PMM2: variants seen among roughly 807,000 people sequenced by gnomAD.
PMM2 encodes phosphomannomutase 2, also known as mannose-6-phosphate isomerase.
Under a neutral mutation model 33.2 loss-of-function variants are expected in PMM2, and 35 were observed. The observed-to-expected ratio is 1.06, with a 90% CI of 0.81 to 1.40. The LOEUF (loss-of-function observed/expected upper bound fraction) is 1.40. Among genes scored for constraint, PMM2 ranks in the 40% most tolerant of loss-of-function variants. The pLI, the probability that PMM2 is intolerant of heterozygous loss-of-function variation, is 0.00. For missense variants in PMM2, 386 were observed against 306.0 expected, an observed-to-expected ratio of 1.26 and a Z score of -1.95; for synonymous variants, 153 against 114.7, an observed-to-expected ratio of 1.33 and a Z score of -2.13.
In PMM2 at chr16:8,802,209, G is replaced by C. The variant is rs2304470; in HGVS notation, c.178+299G>C. 213,542 of 462,178 alleles carry C rather than the reference G, an allele frequency of 0.46. 50,670 individuals are homozygous for C. The highest frequency in any genetic ancestry group is 0.59 in the African/African-American group (29,624 of 50,346). The allele number at this position is 462,178 out of a possible 1,614,324, so 28.6% of individuals were successfully genotyped here. Reference sequence around the variant, plus strand: ...GGAATACTTCTTGCTTGTACCCGTTGACAGCCCTTCTAGCCCCAGTCAGAC... The same window carrying C: ...GGAATACTTCTTGCTTGTACCCGTTCACAGCCCTTCTAGCCCCAGTCAGAC... On this transcript the variant is annotated intron_variant, in intron 2 of 7. Coordinates refer to ENST00000268261, the MANE Select transcript of PMM2 (RefSeq NM_000303.3).
chr16:8,815,403 G>T (rs1453326207), intron 7 of PMM2, among the ~76,000 whole-genome samples: 1 of 152,044 alleles, frequency 6.6e-6, no homozygotes, highest in South Asian at 2.1e-4. Context: ...GCTAATTTTT[G>T]TATTTTTAGT....
At chr16:8,845,005 C>T (rs993344894) in intron 7 of PMM2, among the ~76,000 whole-genome samples, 5 of 152,188 alleles carry the variant, frequency 3.3e-5, no homozygotes, top group African/African-American at 7.2e-5. Context: ...GGAGGTCTCC[C>T]GATCTGAGTC....
At chr16:8,825,754 C>CT (rs1282896284) in intron 7 of PMM2, among the ~76,000 whole-genome samples, 18 of 118,120 alleles carry the variant, frequency 1.5e-4, no homozygotes, top group Middle Eastern at 4.6e-3. Context: ...AAATAAAACA[C>CT]TATTTTTTTT....
At chr16:8,819,777 C>T (rs776835394) in intron 7 of PMM2, among the ~76,000 whole-genome samples, 13 of 151,986 alleles carry the variant, frequency 8.6e-5, no homozygotes, top group Non-Finnish European at 1.6e-4. Flanking sequence ...AGCACTTCCT[C>T]AGTGTCAGAC....
In PMM2 at chr16:8,832,228, G is replaced by A. The variant is rs890970638; in HGVS notation, c.640-15496G>A. Reference sequence around the variant, plus strand: ...AAAGAAGCAGACCCTTGGCGGGAGAGAAAGGAAGGCCTGAGGCAGGTTGTG... The same window carrying A: ...AAAGAAGCAGACCCTTGGCGGGAGAAAAAGGAAGGCCTGAGGCAGGTTGTG... On this transcript the variant is annotated intron_variant, in intron 7 of 7. Transcript: ENST00000268261. 1.3e-5 allele frequency: 13 copies of A among 985,290 alleles called. No homozygotes were observed. In the African/African-American group the frequency reaches 2.1e-4, roughly 16 times the overall value. 61.0% of individuals were successfully genotyped at this position (985,290 alleles called of 1,614,324 possible). A position where few individuals can be genotyped will look rare whatever the true frequency, so the allele number is the denominator to read the frequency against.
chr16:8,803,251 C>A (rs1238285729), intron 2 of PMM2, among the ~76,000 whole-genome samples: 1 of 152,184 alleles, frequency 6.6e-6, no homozygotes, highest in Non-Finnish European at 1.5e-5. Context: ...CTCTTTAAAA[C>A]TCTCTCTTCC....
chr16:8,837,079 G>A (rs1024006813), intron 7 of PMM2, among the ~76,000 whole-genome samples: 3 of 151,870 alleles, frequency 2.0e-5, no homozygotes, highest in Non-Finnish European at 4.4e-5. Flanking sequence ...AGGTCAGATG[G>A]GTCTGTAGAA....
intron 2 of PMM2, among the ~76,000 whole-genome samples, chr16:8,804,434 A>G (rs1397472890): frequency 6.6e-6 from 1 of 152,132 alleles, no homozygotes; most frequent in Non-Finnish European, 1.5e-5. Flanking sequence ...CTGCATTTTC[A>G]CACTGCCCTG....
intron 4 of PMM2, chr16:8,806,729 G>T (rs1389467659): frequency 2.6e-6 from 1 of 377,778 alleles, no homozygotes; most frequent in Non-Finnish European, 5.0e-6. Context: ...AACAGTACAA[G>T]AATGATTACG....
chr16:8,841,054 A>G (rs922869476), intron 7 of PMM2, among the ~76,000 whole-genome samples: 2 of 152,092 alleles, frequency 1.3e-5, no homozygotes, highest in Non-Finnish European at 1.5e-5. Flanking sequence ...AACAGGCTCT[A>G]ATTCTGAGAA....
rs550840545 is a variant in PMM2 at position 8,818,154 on chromosome 16, G to A, written c.639+5048G>A. Among the ~76,000 whole-genome samples the A allele has an allele frequency of 2.5e-4, 38 of 152,212 alleles. No individual in the cohort carries two copies. In the South Asian group the frequency reaches 6.2e-3, roughly 25 times the overall value. On this transcript the variant is annotated intron_variant, in intron 7 of 7. Coordinates refer to ENST00000268261, the MANE Select transcript of PMM2 (RefSeq NM_000303.3). ...CCTGACCTCGTGATCCGTCCGCCTC[G>A]GCCTCCCAAAGTGCTGGGATTACAG...
At chr16:8,835,107 C>T (rs562259822) in intron 7 of PMM2, among the ~76,000 whole-genome samples, 190 of 148,282 alleles carry the variant, frequency 1.3e-3, no homozygotes, top group African/African-American at 4.4e-3. Context: ...AAAGCAGCGG[C>T]AGCCGCTGCA....
chr16:8,798,025 G>T (rs151181393), intron 1 of PMM2, 77 bp downstream of exon 1: 1 of 1,433,274 alleles, frequency 7.0e-7, no homozygotes, highest in Non-Finnish European at 9.5e-7. Flanking sequence ...CGACCACCCA[G>T]GGTAGGCGCC....
chr16:8,814,951 T>C (rs1244687204), intron 7 of PMM2, among the ~76,000 whole-genome samples: 3 of 152,224 alleles, frequency 2.0e-5, no homozygotes, highest in African/African-American at 7.2e-5. Flanking sequence ...CTTACATAAC[T>C]GAGACATTAC....
At chr16:8,827,714 G>T (rs1329450254) in intron 7 of PMM2, among the ~76,000 whole-genome samples, 1 of 100,470 alleles carries the variant, frequency 1.0e-5, no homozygotes, top group East Asian at 2.8e-4. Flanking sequence ...CCTTTTAAAT[G>T]TGTGCATATA....
At chr16:8,827,380 A>AT (rs897793655) in intron 7 of PMM2, among the ~76,000 whole-genome samples, 9 of 149,992 alleles carry the variant, frequency 6.0e-5, no homozygotes, top group African/African-American at 2.2e-4. Context: ...CCTTTTTTTT[A>AT]TTTTTTTATT....
intron 1 of PMM2, among the ~76,000 whole-genome samples, chr16:8,799,705 G>A (rs537229211): frequency 1.3e-5 from 2 of 152,176 alleles, no homozygotes; most frequent in South Asian, 2.1e-4. Flanking sequence ...GCACCACCAC[G>A]CCTGGCTAAT....
rs1336923157 is a variant in PMM2 at position 8,848,731 on chromosome 16, T to G, written c.*906T>G. On this transcript the variant is annotated 3_prime_UTR_variant, in exon 8 of 8. Transcript: ENST00000268261. The stretch of plus-strand genomic sequence containing the variant: ...TTCCTGGAGGCGTTCGCCTCTAGTT[T>G]CTCAGGGATGGAGCGAGAGCCCAGC... The G allele has an allele frequency of 6.6e-6, 1 of 152,230 alleles. No homozygotes were observed. The highest frequency in any genetic ancestry group is 1.5e-5 in the Non-Finnish European group (1 of 68,076). 9.4% of individuals were successfully genotyped at this position (152,230 alleles called of 1,614,324 possible). A position where few individuals can be genotyped will look rare whatever the true frequency, so the allele number is the denominator to read the frequency against.
chr16:8,825,908 A>G (rs2060765094), intron 7 of PMM2, among the ~76,000 whole-genome samples: 2 of 151,950 alleles, frequency 1.3e-5, no homozygotes, highest in Non-Finnish European at 2.9e-5. Flanking sequence ...GGCGTGTGCC[A>G]CCACGCCCGG....
Sources: allele counts gnomAD v4.1 joint callset (sites outside exome capture counted in the v4.1 genomes callset), GRCh38; gene constraint gnomAD v4.1.1; transcripts MANE v1.5; gene names NCBI Gene and HGNC (gene_info 2026-07-23, HGNC 2026-07-21).